TAF1B: variants seen among roughly 807,000 people sequenced by gnomAD.
The protein encoded by TAF1B is TATA-box binding protein associated factor, RNA polymerase I subunit B, also known as TATA box-binding protein-associated factor RNA polymerase I subunit B.
TAF1B carries 61 observed loss-of-function variants against 83.9 expected under a neutral mutation model. That is an observed-to-expected ratio of 0.73 (90% confidence interval 0.59 to 0.90). The LOEUF (loss-of-function observed/expected upper bound fraction) is 0.90, where lower values mean the gene tolerates loss of function less well. Ranked by LOEUF, TAF1B falls within the 40% of genes least tolerant of loss-of-function variation. TAF1B has a pLI of 0.00. For missense variants in TAF1B, 625 were observed against 677.0 expected, an observed-to-expected ratio of 0.92 and a Z score of 0.85; for synonymous variants, 221 against 224.6, an observed-to-expected ratio of 0.98 and a Z score of 0.14.
chr2:9,851,522 C>T lies in TAF1B; in HGVS notation c.206-19C>T. 6.4e-7 allele frequency: 1 copy of T among 1,570,184 alleles called. No individual in the cohort carries two copies. The highest frequency in any genetic ancestry group is 8.7e-7 in the Non-Finnish European group (1 of 1,154,834). ...TAAATTAGGAATGTATATGCTAAAA[C>T]ATGCTATTTGTCATTTAGAAAAAGG... On this transcript the variant is annotated intron_variant, in intron 3 of 14. Transcript: ENST00000263663.
intron 12 of TAF1B, among the ~76,000 whole-genome samples, chr2:9,917,121 C>T (rs1665706593): frequency 6.6e-6 from 1 of 152,174 alleles, no homozygotes; most frequent in African/African-American, 2.4e-5. Context: ...GCTGGGATTA[C>T]AGGCATGAGC....
At chr2:9,871,087 GT>G (rs759003028) in intron 6 of TAF1B, among the ~76,000 whole-genome samples, 7 of 147,852 alleles carry the variant, frequency 4.7e-5, no homozygotes, top group Admixed American at 6.7e-5. Context: ...TTTTGTTGTT[GT>G]TTTTTTTTTG....
intron 14 of TAF1B, among the ~76,000 whole-genome samples, chr2:9,922,326 C>A (rs1047252657): frequency 1.3e-5 from 2 of 152,162 alleles, no homozygotes; most frequent in African/African-American, 4.8e-5. Flanking sequence ...CTTCCCTCTG[C>A]TGTCCTCTGA....
intron 8 of TAF1B, among the ~76,000 whole-genome samples, chr2:9,903,294 C>T (rs1394725078): frequency 6.6e-6 from 1 of 152,070 alleles, no homozygotes; most frequent in Non-Finnish European, 1.5e-5. Flanking sequence ...ACCGTGTTAG[C>T]CAGGATGGTC....
intron 8 of TAF1B, among the ~76,000 whole-genome samples, chr2:9,893,134 G>A (rs898109792): frequency 6.6e-6 from 1 of 152,096 alleles, no homozygotes; most frequent in South Asian, 2.1e-4. Context: ...TAGAAAAGTT[G>A]CAAAACTAAG....
intron 7 of TAF1B, among the ~76,000 whole-genome samples, chr2:9,881,941 T>C (rs1664520279): frequency 6.6e-6 from 1 of 151,870 alleles, no homozygotes; most frequent in Admixed American, 6.6e-5. Flanking sequence ...GACAGAAGGG[T>C]AGACAAGGGA....
intron 9 of TAF1B, among the ~76,000 whole-genome samples, chr2:9,910,299 T>C (rs904393619): frequency 6.6e-6 from 1 of 152,200 alleles, no homozygotes; most frequent in South Asian, 2.1e-4. Flanking sequence ...ATATAATTTC[T>C]TTAGGAAAGC....
chr2:9,897,405 T>G (rs1665050524), intron 8 of TAF1B, among the ~76,000 whole-genome samples: 1 of 152,214 alleles, frequency 6.6e-6, no homozygotes, highest in Admixed American at 6.5e-5. Flanking sequence ...CTCTCAAGAA[T>G]TAGTCATTTC....
chr2:9,921,649 T>G (rs1417818876), intron 14 of TAF1B, among the ~76,000 whole-genome samples: 1 of 152,240 alleles, frequency 6.6e-6, no homozygotes, highest in Non-Finnish European at 1.5e-5. Context: ...CCTTCTGTAG[T>G]GTCTTAATAG....
Position 9,884,010 on chromosome 2 carries a change from A to C in TAF1B, c.807+1205A>C, listed in dbSNP as rs920507229. Among the ~76,000 whole-genome samples, 5 of 152,260 alleles carry C rather than the reference A, an allele frequency of 3.3e-5. No homozygotes were observed. The East Asian group carries it at 9.7e-4, about 29-fold the overall frequency. On this transcript the variant is annotated intron_variant, in intron 8 of 14. Coordinates refer to ENST00000263663, the MANE Select transcript of TAF1B (RefSeq NM_005680.3). The stretch of plus-strand genomic sequence containing the variant: ...TGGCAGGCTGTGCTTGGCTCACGCT[A>C]CCGGCCTGGGTCTCATGCCTGCCAA...
chr2:9,882,130 G>A (rs111699344), intron 7 of TAF1B, among the ~76,000 whole-genome samples: 8 of 150,634 alleles, frequency 5.3e-5, no homozygotes, highest in Admixed American at 3.3e-4. Context: ...TTTTGAGACT[G>A]AGTCTTGCTC....
intron 4 of TAF1B, among the ~76,000 whole-genome samples, chr2:9,853,531 G>C (rs758988767): frequency 3.6e-4 from 54 of 151,524 alleles, no homozygotes; most frequent in Admixed American, 2.0e-4. Flanking sequence ...GCAGTGACCT[G>C]ATCATGGCTC....
At chr2:9,867,556 C>T (rs1430637636) in intron 5 of TAF1B, among the ~76,000 whole-genome samples, 1 of 152,128 alleles carries the variant, frequency 6.6e-6, no homozygotes, top group East Asian at 1.9e-4. Flanking sequence ...TTAGTCTTAT[C>T]TTCCTGTAAT....
chr2:9,865,301 C>A (rs1335157457), intron 5 of TAF1B, among the ~76,000 whole-genome samples: 1 of 152,106 alleles, frequency 6.6e-6, no homozygotes, highest in Non-Finnish European at 1.5e-5. Flanking sequence ...CAATAACAGA[C>A]AAACAGAGAG....
At chr2:9,880,293 T>C (rs75999038) in intron 7 of TAF1B, among the ~76,000 whole-genome samples, 1 of 152,114 alleles carries the variant, frequency 6.6e-6, no homozygotes, top group Non-Finnish European at 1.5e-5. Flanking sequence ...GGCTAAACTC[T>C]GTTGGTCAGG....
chr2:9,864,014 A>C (rs1450219658), intron 5 of TAF1B, among the ~76,000 whole-genome samples: 3 of 152,176 alleles, frequency 2.0e-5, no homozygotes, highest in Non-Finnish European at 4.4e-5. Flanking sequence ...TAAAATTGAC[A>C]CCCTAACATC....
intron 9 of TAF1B, among the ~76,000 whole-genome samples, chr2:9,905,743 A>G (rs980540821): frequency 6.6e-6 from 1 of 152,192 alleles, no homozygotes; most frequent in Admixed American, 6.5e-5. Context: ...TGTTAATAGG[A>G]GAGTAAAATA....
chr2:9,859,012 T>C (rs1042922804), intron 5 of TAF1B, among the ~76,000 whole-genome samples: 1 of 152,192 alleles, frequency 6.6e-6, no homozygotes, highest in Non-Finnish European at 1.5e-5. Context: ...CGGCTTGAAT[T>C]TTCTCCCCAG....
At chr2:9,867,827 A>G (rs756167110) in intron 5 of TAF1B, among the ~76,000 whole-genome samples, 3 of 152,218 alleles carry the variant, frequency 2.0e-5, no homozygotes, top group African/African-American at 4.8e-5. Flanking sequence ...GGTTGGAAAG[A>G]TGGCATGATG....
Sources: allele counts gnomAD v4.1 joint callset (sites outside exome capture counted in the v4.1 genomes callset), GRCh38; gene constraint gnomAD v4.1.1; transcripts MANE v1.5; gene names NCBI Gene and HGNC (gene_info 2026-07-23, HGNC 2026-07-21).